Variants in ABCG2 observed in about 807,000 individuals in gnomAD.
The protein encoded by ABCG2 is broad substrate specificity ATP-binding cassette transporter ABCG2.
In ABCG2, 80 loss-of-function variants were observed where a neutral mutation model predicts 73.5. That is an observed-to-expected ratio of 1.09 (90% CI 0.91 to 1.31). ABCG2 has a LOEUF of 1.31. Among genes scored for constraint, ABCG2 ranks in the 50% most tolerant of loss-of-function variants. ABCG2 has a pLI of 0.00. For synonymous variants in ABCG2, 269 were observed against 282.4 expected, an observed-to-expected ratio of 0.95 and a Z score of 0.48; for missense variants, 796 against 786.2, an observed-to-expected ratio of 1.01 and a Z score of -0.15.
At chr4:88,149,003 T>C (rs1726251622) in intron 1 of ABCG2, among the ~76,000 whole-genome samples, 1 of 152,182 alleles carries the variant, frequency 6.6e-6, no homozygotes, top group Non-Finnish European at 1.5e-5. Flanking sequence ...TGTTTTTTCA[T>C]TTACATTCCC....
At chr4:88,118,009 T>A in intron 7 of ABCG2, 100 bp downstream of exon 7, 1 of 1,169,014 alleles carries the variant, frequency 8.6e-7, no homozygotes, top group Non-Finnish European at 1.2e-6. Flanking sequence ...TCTCATGGTA[T>A]GTCTACCCAA....
upstream of ABCG2, among the ~76,000 whole-genome samples, chr4:88,160,001 G>A (rs1226453787): frequency 6.6e-6 from 1 of 152,094 alleles, no homozygotes; most frequent in African/African-American, 2.4e-5. Flanking sequence ...CCAGCACTTT[G>A]GGAGGCTGAC....
intron 14 of ABCG2, 108 bp from the exon 15 acceptor site, chr4:88,094,767 T>A: frequency 1.2e-6 from 1 of 839,050 alleles, no homozygotes; most frequent in East Asian, 2.6e-5. Context: ...TTGTTATTTC[T>A]AAAAACATAT....
At chr4:88,186,813 G>T (rs1179882197) in intron 1 of ABCG2, among the ~76,000 whole-genome samples, 1 of 149,502 alleles carries the variant, frequency 6.7e-6, no homozygotes, top group Non-Finnish European at 1.5e-5. Flanking sequence ...CAGCTACTTG[G>T]GAGGCTGAGG....
intron 1 of ABCG2, among the ~76,000 whole-genome samples, chr4:88,168,925 C>A (rs1727647706): frequency 6.6e-6 from 1 of 152,014 alleles, no homozygotes; most frequent in Non-Finnish European, 1.5e-5. Flanking sequence ...CCATCCCTTC[C>A]AAAGGTAACA....
chr4:88,228,536 G>C (rs1687419990), intron 1 of ABCG2, among the ~76,000 whole-genome samples: 2 of 152,196 alleles, frequency 1.3e-5, no homozygotes, highest in African/African-American at 4.8e-5. Context: ...TATGCTACAA[G>C]GGTTATGGTT....
chr4:88,107,801 T>C (rs1266166564), intron 9 of ABCG2, among the ~76,000 whole-genome samples: 1 of 152,178 alleles, frequency 6.6e-6, no homozygotes, highest in East Asian at 1.9e-4. Context: ...ATTCTAACAA[T>C]GGAATTTTGC....
At chr4:88,214,897 A>G (rs1729751436) in intron 1 of ABCG2, among the ~76,000 whole-genome samples, 1 of 152,022 alleles carries the variant, frequency 6.6e-6, no homozygotes, top group Non-Finnish European at 1.5e-5. Flanking sequence ...TGTTGGGATT[A>G]TAGGCGAGAG....
At chr4:88,188,423 G>A (rs6833950) in intron 1 of ABCG2, among the ~76,000 whole-genome samples, 127,868 of 151,894 alleles carry the variant, frequency 0.84, 53,995 homozygotes, top group East Asian at 1. Context: ...AGGTCTCACT[G>A]TGTTGCCCAA....
chr4:88,153,128 ATTTAC>A (rs1726644921), intron 1 of ABCG2, among the ~76,000 whole-genome samples: 1 of 152,190 alleles, frequency 6.6e-6, no homozygotes, highest in Admixed American at 6.5e-5. Context: ...AAGATGATTT[ATTTAC>A]TTTAAGAGTT....
At chr4:88,138,212 T>A (rs1725382239) in intron 2 of ABCG2, among the ~76,000 whole-genome samples, 1 of 152,154 alleles carries the variant, frequency 6.6e-6, no homozygotes, top group Non-Finnish European at 1.5e-5. Flanking sequence ...GTTCCAAGAG[T>A]ATAATGAATT....
At position 88,099,336 on chromosome 4, in the gene ABCG2, A is replaced by C. The variant is rs941354922; in HGVS notation, c.1480T>G (p.Tyr494Asp). 2.5e-6 allele frequency: 4 copies of C among 1,604,608 alleles called. No individual in the cohort carries two copies. The highest frequency in any genetic ancestry group is 3.4e-5 in the Admixed American group (2 of 58,396). ...GTTACATACTTACCTAACATGAAGT[A>C]CACTATACAGGTAAATATAATACTT... The part of the protein sequence containing the change: ...LPSIIFTCIV[Y>D]FMLGLKPKAD... Residue 494 changes from tyrosine (Y) to aspartate (D), a missense_variant, in exon 12 of 16, where the codon TAC becomes GAC. Tyr to Asp is a radical substitution (Grantham distance 160). Coordinates refer to ENST00000237612, the MANE Select transcript of ABCG2 (RefSeq NM_004827.3).
At position 88,228,851 on chromosome 4, in the gene ABCG2, G is replaced by T. The variant is rs545613917; in HGVS notation, c.-20+2143C>A. On this transcript the variant is annotated intron_variant, in intron 1 of 15. Transcript: ENST00000515655. ...CGCACCAATCAGCGCTCTGTGTCTA[G>T]CTAAAGGATTGTAAATGCACCAATC... Among the ~76,000 whole-genome samples, 4 of 107,640 alleles carry T rather than the reference G, an allele frequency of 3.7e-5. No individual in the cohort carries two copies. The South Asian group carries it at 9.7e-4, about 26-fold the overall frequency. 70.6% of individuals were successfully genotyped at this position (107,640 alleles called of 152,430 possible). A position where few individuals can be genotyped will look rare whatever the true frequency, so the allele number is the denominator to read the frequency against.
chr4:88,209,676 A>T (rs1729516351), intron 1 of ABCG2, among the ~76,000 whole-genome samples: 1 of 152,142 alleles, frequency 6.6e-6, no homozygotes, highest in African/African-American at 2.4e-5. Context: ...AACAAAAAAC[A>T]AAACAAAAAC....
chr4:88,116,023 C>T (rs927125099), intron 7 of ABCG2, among the ~76,000 whole-genome samples: 16 of 152,104 alleles, frequency 1.1e-4, no homozygotes, highest in African/African-American at 3.4e-4. Context: ...GGCAAAACCC[C>T]ATCTCTACTA....
At chr4:88,184,769 C>T (rs1241756922) in intron 1 of ABCG2, among the ~76,000 whole-genome samples, 1 of 152,102 alleles carries the variant, frequency 6.6e-6, no homozygotes, top group East Asian at 1.9e-4. Flanking sequence ...AAGAACAAAA[C>T]TAGAAAAAAC....
rs199772868 is a variant in ABCG2 at position 88,092,350 on chromosome 4, C to T, written c.1852G>A (p.Gly618Ser). Residue 618 changes from glycine (G) to serine (S), a missense_variant, in exon 16 of 16, where the codon GGC becomes AGC. Gly to Ser is a moderately conservative substitution (Grantham distance 56). Coordinates refer to ENST00000237612, the MANE Select transcript of ABCG2 (RefSeq NM_004827.3). ...CTGEEYLVKQGIDLSPWGLWK... is the reference protein window; with the variant it reads ...CTGEEYLVKQSIDLSPWGLWK... Reference sequence around the variant, plus strand: ...AAGCCCCAGGGTGAGAGATCGATGCCCTGCTTTACCAAATATTCTTCGCCA... The same window carrying T: ...AAGCCCCAGGGTGAGAGATCGATGCTCTGCTTTACCAAATATTCTTCGCCA... The T allele has an allele frequency of 9.3e-6, 15 of 1,612,042 alleles. No homozygotes were observed. The highest frequency in any genetic ancestry group is 1.3e-5 in the Non-Finnish European group (15 of 1,179,540).
intron 1 of ABCG2, among the ~76,000 whole-genome samples, chr4:88,172,036 C>T (rs1259581042): frequency 1.3e-5 from 2 of 152,022 alleles, no homozygotes; most frequent in East Asian, 1.9e-4. Flanking sequence ...TGGCTCATGC[C>T]TGTAATCCCA....
intron 1 of ABCG2, among the ~76,000 whole-genome samples, chr4:88,170,785 G>A (rs935549975): frequency 3.3e-5 from 5 of 152,180 alleles, no homozygotes; most frequent in East Asian, 1.9e-4. Context: ...GCGAGCGACC[G>A]GCTCCTCTTT....
Sources: allele counts gnomAD v4.1 joint callset (sites outside exome capture counted in the v4.1 genomes callset), GRCh38; gene constraint gnomAD v4.1.1; transcripts MANE v1.5; gene names NCBI Gene and HGNC (gene_info 2026-07-23, HGNC 2026-07-21).